BAZ1B: variants seen among roughly 807,000 people sequenced by gnomAD.
BAZ1B encodes bromodomain adjacent to zinc finger domain 1B.
BAZ1B carries 22 observed loss-of-function variants against 153.8 expected under a neutral mutation model. That is an observed-to-expected ratio of 0.14 (90% CI 0.10 to 0.20). BAZ1B has a LOEUF of 0.20. BAZ1B is among the 10% of genes least tolerant of loss of function. The pLI is 1.00. For missense variants in BAZ1B, 1,325 were observed against 1,799.3 expected (o/e 0.74, Z 4.77); for synonymous variants, 676 against 633.4 (o/e 1.07, Z -1.01).
intron 3 of BAZ1B, among the ~76,000 whole-genome samples, chr7:73,501,190 A>AGG (rs1227873301): frequency 1.3e-5 from 2 of 152,016 alleles, no homozygotes; most frequent in African/African-American, 4.8e-5. Context: ...TGGGATGCGG[A>AGG]GGTTGCGGTG....
intron 1 of BAZ1B, among the ~76,000 whole-genome samples, chr7:73,513,104 C>T (rs1350122236): frequency 6.6e-6 from 1 of 152,124 alleles, no homozygotes; most frequent in Non-Finnish European, 1.5e-5. Flanking sequence ...CAGGTGCACA[C>T]CACCATGCCC....
At chr7:73,485,403 T>C (rs1789364506) in intron 6 of BAZ1B, among the ~76,000 whole-genome samples, 1 of 151,994 alleles carries the variant, frequency 6.6e-6, no homozygotes, top group Non-Finnish European at 1.5e-5. Flanking sequence ...GGAGGATCAC[T>C]TGAGACCAGG....
intron 3 of BAZ1B, among the ~76,000 whole-genome samples, chr7:73,506,539 A>T (rs542924176): frequency 1.6e-4 from 23 of 144,408 alleles, no homozygotes; most frequent in African/African-American, 5.9e-4. Flanking sequence ...TCCAACTCTC[A>T]TTACAGCGAG....
chr7:73,473,601 G>C lies in BAZ1B; in HGVS notation c.2594-3118C>G, dbSNP rs1434678087. ...GTACACATTACATATGTATACTCAG[G>C]CACAGTATGCATACATATGCAAAAA... is the stretch of plus-strand genomic sequence containing the variant. On this transcript the variant is annotated intron_variant, in intron 7 of 19. Coordinates refer to ENST00000339594, the MANE Select transcript of BAZ1B (RefSeq NM_032408.4). 3.9e-5 allele frequency among the ~76,000 whole-genome samples: 6 copies of C among 152,088 alleles called. 1 individual carries two copies. The South Asian group carries it at 1.0e-3, about 26-fold the overall frequency.
chr7:73,450,052 C>CT lies in BAZ1B; in HGVS notation c.3581-364dup, dbSNP rs572469264. On this transcript the variant is annotated intron_variant, in intron 14 of 19. Transcript: ENST00000339594. The surrounding 1 kb of genome is among the most constrained non-coding windows in gnomAD (Gnocchi z 4.1). ...TGCCTGATGAGTGTTCTCTCTCTCT[C>CT]TTTTTTTTTTTTGGAGACAGAGTCT... Among the ~76,000 whole-genome samples the CT allele has an allele frequency of 2.8e-3, 402 of 145,930 alleles. 1 individual carries two copies. The highest frequency in any genetic ancestry group is 0.011 in the South Asian group (52 of 4,598).
rs141430295 is a variant in BAZ1B at position 73,455,297 on chromosome 7, A to G, written c.3432+4239T>C. ...AAAAAAAAGGAAAGAAGGCAGGGAG[A>G]GGCAAATCTAAAATTAGGGACAATA... On this transcript the variant is annotated intron_variant, in intron 13 of 19. Coordinates refer to ENST00000339594, the MANE Select transcript of BAZ1B (RefSeq NM_032408.4). 2.8e-3 allele frequency among the ~76,000 whole-genome samples: 428 copies of G among 152,290 alleles called. 2 individuals are homozygous for G. The highest frequency in any genetic ancestry group is 0.01 in the African/African-American group (419 of 41,546).
chr7:73,518,985 TAA>T (rs1192416233), intron 1 of BAZ1B, among the ~76,000 whole-genome samples: 2 of 151,980 alleles, frequency 1.3e-5, no homozygotes, highest in Admixed American at 1.3e-4. Flanking sequence ...CTGATTCTGA[TAA>T]AGTTAGTGTT....
In BAZ1B at chr7:73,450,872, A is replaced by G; in HGVS notation, c.3555T>C (p.Ala1185=). Reference sequence around the variant, plus strand: ...CTTTCTTTCGACAAACTTTGCACCTAGCATTTTCTGCGGACATATCCCACT... The same window carrying G: ...CTTTCTTTCGACAAACTTTGCACCTGGCATTTTCTGCGGACATATCCCACT... ...CIKWDMSAEN[A]RCKVCRKKGE... Residue 1185 remains alanine (A), a synonymous_variant, in exon 14 of 20, where the codon GCT becomes GCC. Transcript: ENST00000339594. This position sits in a 1 kb window ranked among gnomAD's most constrained non-coding sequence, Gnocchi z 4.1. The G allele has an allele frequency of 6.2e-7, 1 of 1,614,196 alleles. No homozygotes were observed. The highest frequency in any genetic ancestry group is 1.1e-5 in the South Asian group (1 of 91,076).
chr7:73,479,271 G>C (rs1277713378), intron 6 of BAZ1B, among the ~76,000 whole-genome samples: 1 of 152,006 alleles, frequency 6.6e-6, no homozygotes, highest in African/African-American at 2.4e-5. Context: ...AACTTTGGGA[G>C]GCCGAGGCAG....
intron 1 of BAZ1B, among the ~76,000 whole-genome samples, chr7:73,519,186 A>G (rs1554579754): frequency 1.3e-5 from 2 of 152,216 alleles, no homozygotes; most frequent in African/African-American, 2.4e-5. Context: ...TACAGCTTTA[A>G]GTCAGTAAAA....
chr7:73,442,751 C>G lies in BAZ1B; in HGVS notation c.4068G>C (p.Val1356=). The G allele has an allele frequency of 6.2e-7, 1 of 1,614,188 alleles. No individual in the cohort carries two copies. The part of the protein sequence containing the change: ...QKCEEILHKI[V]KYRFSWPFRE... ...TGAAGGGCCAGCTGAAGCGGTACTT[C>G]ACGATCTTGTGGAGGATCTCTTCAC... Residue 1356 remains valine, a synonymous_variant, in exon 18 of 20, where the codon GTG becomes GTC. Transcript: ENST00000339594.
At chr7:73,451,802 T>A (rs1788034614) in intron 13 of BAZ1B, among the ~76,000 whole-genome samples, 1 of 152,248 alleles carries the variant, frequency 6.6e-6, no homozygotes, top group South Asian at 2.1e-4. Flanking sequence ...CAATCACAGC[T>A]GCCTTGCTGT....
At chr7:73,469,944 G>A (rs1236395027) in intron 8 of BAZ1B, among the ~76,000 whole-genome samples, 7 of 152,138 alleles carry the variant, frequency 4.6e-5, no homozygotes, top group East Asian at 1.9e-4. Context: ...CTGGCCTCAA[G>A]CAATCCTCTC....
intron 6 of BAZ1B, among the ~76,000 whole-genome samples, chr7:73,484,868 G>C (rs1789343802): frequency 6.6e-6 from 1 of 152,032 alleles, no homozygotes; most frequent in South Asian, 2.1e-4. Flanking sequence ...AAAAGCTGAG[G>C]GACTGTCCCA....
intron 13 of BAZ1B, among the ~76,000 whole-genome samples, chr7:73,455,106 C>T (rs112115307): frequency 0.052 from 7,917 of 151,734 alleles, 234 homozygotes; most frequent in Non-Finnish European, 0.066. Flanking sequence ...AGGCTGGTCT[C>T]GAACTCCTGA....
At position 73,500,071 on chromosome 7, in the gene BAZ1B, C is replaced by T. The variant is rs185728558; in HGVS notation, c.370-1373G>A. ...TCAAGCAATTCTCTCGCCTCAGCCT[C>T]CTAAGTAGCTGGGACTACAGGCACA... On this transcript the variant is annotated intron_variant, in intron 3 of 19. Transcript: ENST00000339594. 3.3e-5 allele frequency among the ~76,000 whole-genome samples: 5 copies of T among 152,242 alleles called. No homozygotes were observed. The East Asian group carries it at 5.8e-4, about 18-fold the overall frequency.
intron 12 of BAZ1B, among the ~76,000 whole-genome samples, chr7:73,460,594 C>T (rs1300066332): frequency 6.6e-6 from 1 of 152,166 alleles, no homozygotes; most frequent in African/African-American, 2.4e-5. Flanking sequence ...AAGTGATCCT[C>T]CTGCCTCAGC....
intron 6 of BAZ1B, among the ~76,000 whole-genome samples, chr7:73,487,756 A>C (rs1384929722): frequency 6.6e-6 from 1 of 152,184 alleles, no homozygotes; most frequent in African/African-American, 2.4e-5. Flanking sequence ...TCAACAAACA[A>C]AAACAAACAT....
chr7:73,521,628 C>G (rs540760402), intron 1 of BAZ1B, among the ~76,000 whole-genome samples, 199 bp downstream of exon 1: 1 of 151,722 alleles, frequency 6.6e-6, no homozygotes, highest in South Asian at 2.1e-4. Flanking sequence ...CCTTCCAGGG[C>G]CGGTGCGCGC....
Sources: gnomAD v4.1 joint callset for allele counts (sites outside exome capture counted in the v4.1 genomes callset) on GRCh38, gnomAD v4.1.1 for gene constraint, Gnocchi (gnomAD v3.1) non-coding constraint, MANE v1.5 for transcripts, NCBI Gene and HGNC (gene_info 2026-07-23, HGNC 2026-07-21) for gene names.